CACUL1: variants seen among roughly 807,000 people sequenced by gnomAD.
CACUL1 encodes the protein CDK2 associated cullin domain 1, also known as CDK2-associated and cullin domain-containing protein 1.
CACUL1 carries 13 observed loss-of-function variants against 45.2 expected under a neutral mutation model. The observed-to-expected ratio is 0.29, with a 90% CI of 0.19 to 0.46. The LOEUF is 0.46. CACUL1 is among the 20% of genes least tolerant of loss of function. The pLI is 1.00. For missense variants in CACUL1, 421 were observed against 471.4 expected (o/e 0.89, Z 0.99); for synonymous variants, 197 against 174.2 (o/e 1.13, Z -1.03).
chr10:118,684,976 G>C lies in CACUL1; in HGVS notation c.*1152C>G, dbSNP rs2119536613. On this transcript the variant is annotated 3_prime_UTR_variant, in exon 9 of 9. Transcript: ENST00000369151. Reference sequence around the variant, plus strand: ...ATGGACTAAAAAGCACTGTGGATGTGGAGAAACAGAAATATAGCTTTGCCA... The same window carrying C: ...ATGGACTAAAAAGCACTGTGGATGTCGAGAAACAGAAATATAGCTTTGCCA... 1 of 152,300 alleles carries C rather than the reference G, an allele frequency of 6.6e-6. No individual in the cohort carries two copies. Among genetic ancestry groups the C allele is most frequent in the East Asian group, 1.9e-4 (1 of 5,182 alleles). The allele number at this position is 152,300 out of a possible 1,614,324, so 9.4% of individuals were successfully genotyped here.
chr10:118,734,739 G>C (rs1053686312), intron 1 of CACUL1, among the ~76,000 whole-genome samples: 1 of 152,170 alleles, frequency 6.6e-6, no homozygotes, highest in Non-Finnish European at 1.5e-5. Flanking sequence ...ACATCATGCC[G>C]CAAGGCTTAA....
intron 1 of CACUL1, among the ~76,000 whole-genome samples, chr10:118,746,145 CTG>C (rs1313617154): frequency 9.3e-6 from 1 of 108,062 alleles, no homozygotes; most frequent in African/African-American, 3.5e-5. Context: ...GAGCGAGACA[CTG>C]TCTCAAAAAA....
Position 118,691,418 on chromosome 10 carries a change from A to C in CACUL1, c.887-15T>G, listed in dbSNP as rs1483069176. ...CTGAACCCACTCTGTGAGGAAAGGA[A>C]ACAATTCATTAAGGAAATCATATAA... On this transcript the variant is annotated splice_polypyrimidine_tract_variant and intron_variant, in intron 6 of 8. Transcript: ENST00000369151. 3 of 1,603,672 alleles carry C rather than the reference A, an allele frequency of 1.9e-6. No homozygotes were observed. Among genetic ancestry groups the C allele is most frequent in the African/African-American group, 1.3e-5 (1 of 74,594 alleles).
At chr10:118,716,605 CTTT>C (rs61613528) in intron 3 of CACUL1, among the ~76,000 whole-genome samples, 5 of 139,834 alleles carry the variant, frequency 3.6e-5, no homozygotes, top group Non-Finnish European at 7.7e-5. Flanking sequence ...AACACAACCT[CTTT>C]TTTTTTTTTT....
At chr10:118,716,819 G>T (rs187265861) in intron 3 of CACUL1, among the ~76,000 whole-genome samples, 1 of 152,108 alleles carries the variant, frequency 6.6e-6, no homozygotes, top group Non-Finnish European at 1.5e-5. Context: ...AGCCAGGGTG[G>T]TCTCGATCTC....
chr10:118,705,030 G>A (rs1216021662), intron 4 of CACUL1, among the ~76,000 whole-genome samples: 1 of 152,246 alleles, frequency 6.6e-6, no homozygotes, highest in African/African-American at 2.4e-5. Context: ...TCCTACATCA[G>A]TAGGGCCTCA....
At chr10:118,738,679 A>T (rs1845762739) in intron 1 of CACUL1, among the ~76,000 whole-genome samples, 1 of 152,012 alleles carries the variant, frequency 6.6e-6, no homozygotes, top group Non-Finnish European at 1.5e-5. Flanking sequence ...GCTAGCAATT[A>T]TCTTTTTTCA....
chr10:118,699,850 G>C (rs1272587600), intron 5 of CACUL1, among the ~76,000 whole-genome samples: 1 of 151,418 alleles, frequency 6.6e-6, no homozygotes, highest in Non-Finnish European at 1.5e-5. Context: ...GGGTTTCACC[G>C]TGTTAGCCAG....
At chr10:118,705,556 C>G (rs1053160222) in intron 4 of CACUL1, among the ~76,000 whole-genome samples, 1 of 152,216 alleles carries the variant, frequency 6.6e-6, no homozygotes, top group Non-Finnish European at 1.5e-5. Flanking sequence ...TACCTCTTTT[C>G]AACTTTGTCT....
intron 3 of CACUL1, among the ~76,000 whole-genome samples, chr10:118,718,143 AG>A (rs1845564945): frequency 6.6e-6 from 1 of 152,238 alleles, no homozygotes; most frequent in African/African-American, 2.4e-5. Context: ...GTGATCCTCC[AG>A]CCCTCCTGAC....
intron 3 of CACUL1, among the ~76,000 whole-genome samples, chr10:118,724,097 A>C (rs1845628143): frequency 1.3e-5 from 2 of 152,158 alleles, no homozygotes; most frequent in African/African-American, 4.8e-5. Context: ...ATCAGGAATC[A>C]GGCTTTAGCA....
rs139626594 is a variant in CACUL1, at chr10:118,750,836, T to C, written c.367+3560A>G. Among the ~76,000 whole-genome samples, 20 of 152,338 alleles carry C rather than the reference T, an allele frequency of 1.3e-4. 1 individual carries two copies. Among genetic ancestry groups the C allele is most frequent in the Non-Finnish European group, 2.9e-4 (20 of 68,026 alleles). On this transcript the variant is annotated intron_variant, in intron 1 of 8. Transcript: ENST00000369151. ...AAAAAGACATTCCGTTACTATTTTATTCTTTAATTTTTGTGGGTATATAGT... is the reference window on the plus strand; with the variant it reads ...AAAAAGACATTCCGTTACTATTTTACTCTTTAATTTTTGTGGGTATATAGT...
Position 118,681,687 on chromosome 10 carries a change from A to AAATT in CACUL1, c.*4437_*4440dup, listed in dbSNP as rs1310789428. On this transcript the variant is annotated 3_prime_UTR_variant, in exon 9 of 9. Coordinates refer to ENST00000369151, the MANE Select transcript of CACUL1 (RefSeq NM_153810.5). ...GTAGGTTCCCCTATGAATGAAGCTC[A>AAATT]AATTAGCATTTCCTTTAATTCTCCC... 1 of 152,268 alleles carries AAATT rather than the reference A, an allele frequency of 6.6e-6. No homozygotes were observed. The highest frequency in any genetic ancestry group is 1.5e-5 in the Non-Finnish European group (1 of 68,060). The allele number at this position is 152,268 out of a possible 1,614,324, so 9.4% of individuals were successfully genotyped here. A position where few individuals can be genotyped will look rare whatever the true frequency, so the allele number is the denominator to read the frequency against.
intron 1 of CACUL1, among the ~76,000 whole-genome samples, chr10:118,750,100 G>A (rs917955104): frequency 6.6e-6 from 1 of 152,232 alleles, no homozygotes. Context: ...GCCAAGGCGG[G>A]TGGATGACCT....
At chr10:118,721,957 C>T (rs1454420004) in intron 3 of CACUL1, among the ~76,000 whole-genome samples, 1 of 152,082 alleles carries the variant, frequency 6.6e-6, no homozygotes, top group Non-Finnish European at 1.5e-5. Flanking sequence ...TCATTTAAGA[C>T]AGTTTTAAAA....
intron 1 of CACUL1, among the ~76,000 whole-genome samples, chr10:118,745,267 C>A (rs922669591): frequency 6.6e-6 from 1 of 151,960 alleles, no homozygotes; most frequent in East Asian, 1.9e-4. Flanking sequence ...AAAAAGAAGA[C>A]AGGAAAAGGG....
At chr10:118,735,055 A>G (rs147844992) in intron 1 of CACUL1, among the ~76,000 whole-genome samples, 1 of 152,234 alleles carries the variant, frequency 6.6e-6, no homozygotes, top group East Asian at 1.9e-4. Flanking sequence ...TGGAGAAGGA[A>G]TTCACTGCTA....
chr10:118,696,478 C>G (rs1845324311), intron 5 of CACUL1, among the ~76,000 whole-genome samples: 1 of 152,152 alleles, frequency 6.6e-6, no homozygotes, highest in Non-Finnish European at 1.5e-5. Flanking sequence ...CCCGTCTCTA[C>G]TAAAAATACA....
intron 1 of CACUL1, among the ~76,000 whole-genome samples, chr10:118,748,862 C>A (rs1472032484): frequency 1.3e-5 from 2 of 152,000 alleles, no homozygotes; most frequent in Non-Finnish European, 2.9e-5. Context: ...TCAAACTGCA[C>A]ACCTAAAATG....
Sources: gnomAD v4.1 joint callset for allele counts (sites outside exome capture counted in the v4.1 genomes callset) on GRCh38, gnomAD v4.1.1 for gene constraint, MANE v1.5 for transcripts, NCBI Gene and HGNC (gene_info 2026-07-23, HGNC 2026-07-21) for gene names.